KCNC3: variants seen among roughly 807,000 people sequenced by gnomAD.
The protein encoded by KCNC3 is potassium voltage-gated channel subfamily C member 3.
KCNC3 carries 22 observed loss-of-function variants against 43.9 expected under a neutral mutation model. The ratio of observed to expected loss-of-function variants is 0.50; its 90% CI spans 0.36 to 0.72. The LOEUF is 0.72. Among genes scored for constraint, KCNC3 ranks in the 30% least tolerant of loss-of-function variants. The probability of loss-of-function intolerance (pLI) is 0.00; values close to 1 mark genes in which losing one functional copy is unlikely to be tolerated. For synonymous variants in KCNC3, 492 were observed against 488.0 expected (o/e 1.01, Z -0.11); for missense variants, 829 against 1,073.8 (o/e 0.77, Z 3.19).
chr19:50,331,540 TC>T (rs2037189412), upstream of KCNC3, among the ~76,000 whole-genome samples: 1 of 95,686 alleles, frequency 1.0e-5, no homozygotes, highest in South Asian at 5.8e-4. Context: ...CCCTCCTTCT[TC>T]CCCTTCTCCC....
At position 50,312,302 on chromosome 19, in the gene KCNC3, C is replaced by CTGTGTGTGTG. The variant is rs10666239; in HGVS notation, c.*3803_*3812dup. 24 of 148,886 alleles carry CTGTGTGTGTG rather than the reference C, an allele frequency of 1.6e-4. No homozygotes were observed. The highest frequency in any genetic ancestry group is 3.5e-4 in the African/African-American group (14 of 40,550). The allele number at this position is 148,886 out of a possible 1,614,324, so 9.2% of individuals were successfully genotyped here. On this transcript the variant is annotated 3_prime_UTR_variant, in exon 5 of 5. Coordinates refer to ENST00000477616, the MANE Select transcript of KCNC3 (RefSeq NM_004977.3). Reference sequence around the variant, plus strand: ...ATTTGAGTGAGAGAAACTTATTGCTCTGTGTGTGTGTGTGTGTGTGTTGGG... The same window carrying CTGTGTGTGTG: ...ATTTGAGTGAGAGAAACTTATTGCTCTGTGTGTGTGTGTGTGTGTGTGTGTGTGTGTTGGG...
At position 50,312,314 on chromosome 19, in the gene KCNC3, G is replaced by GTC. The variant is rs1173754019; in HGVS notation, c.*3800_*3801insGA. ...GAAACTTATTGCTCTGTGTGTGTGT[G>GTC]TGTGTGTGTTGGGGAGGGTGAGCCG... On this transcript the variant is annotated 3_prime_UTR_variant, in exon 5 of 5. Transcript: ENST00000477616. The GTC allele has an allele frequency of 6.6e-6, 1 of 151,478 alleles. No individual in the cohort carries two copies. The highest frequency in any genetic ancestry group is 2.0e-4 in the East Asian group (1 of 5,120). 9.4% of individuals were successfully genotyped at this position (151,478 alleles called of 1,614,324 possible).
upstream of KCNC3, among the ~76,000 whole-genome samples, chr19:50,330,955 C>A (rs2037181347): frequency 6.6e-6 from 1 of 151,580 alleles, no homozygotes; most frequent in Non-Finnish European, 1.5e-5. Context: ...GCGAAGGGGG[C>A]GGGTCAGGGG....
intron 2 of KCNC3, 41 bp from the exon 3 acceptor site, chr19:50,320,825 G>A (rs1467426582): frequency 1.3e-6 from 2 of 1,594,540 alleles, no homozygotes; most frequent in African/African-American, 1.3e-5. Context: ...AAAGGAGAGA[G>A]TGAGGTGCGG....
rs115543544 is a variant in KCNC3 at position 50,323,801 on chromosome 19, G to A, written c.1152C>T (p.Ile384=). 4.7e-5 allele frequency: 76 copies of A among 1,614,204 alleles called. No individual in the cohort carries two copies. Among genetic ancestry groups the A allele is most frequent in the African/African-American group, 2.3e-4 (17 of 75,056 alleles). ...AGAAGGGCAGGATGGCCACACAGTC[G>A]ATGATGTTGAGGCTGCTTTTAAGAA... is the stretch of plus-strand genomic sequence containing the variant. ...VEFLKSSLNI[I]DCVAILPFYL... Residue 384 remains isoleucine (I), a synonymous_variant, in exon 2 of 5, where the codon ATC becomes ATT. Coordinates refer to ENST00000477616, the MANE Select transcript of KCNC3 (RefSeq NM_004977.3).
At position 50,312,786 on chromosome 19, in the gene KCNC3, G is replaced by T. The variant is rs2278902; in HGVS notation, c.*3329C>A. On this transcript the variant is annotated 3_prime_UTR_variant, in exon 5 of 5. Coordinates refer to ENST00000477616, the MANE Select transcript of KCNC3 (RefSeq NM_004977.3). ...TCGTGAAGGTCAGGGGAAACGGGGG[G>T]GCTTGTTAAAGAAGTTGAACCCTTT... 0.22 allele frequency: 34,108 copies of T among 151,870 alleles called. 4,337 individuals are homozygous for T. Among genetic ancestry groups the T allele is most frequent in the East Asian group, 0.63 (3,207 of 5,098 alleles). 9.4% of individuals were successfully genotyped at this position (151,870 alleles called of 1,614,324 possible).
At chr19:50,332,708 G>A (rs761682923), upstream of KCNC3, among the ~76,000 whole-genome samples, 1 of 152,084 alleles carries the variant, frequency 6.6e-6, no homozygotes, top group Non-Finnish European at 1.5e-5. This position sits in a 1 kb window ranked among gnomAD's most constrained non-coding sequence, Gnocchi z 5.8. Context: ...CACCAGGAGG[G>A]GAGAGGCCAA....
Position 50,323,695 on chromosome 19 carries a change from G to C in KCNC3, c.1258C>G (p.Arg420Gly). The C allele has an allele frequency of 6.2e-7, 1 of 1,614,182 alleles. No homozygotes were observed. Among genetic ancestry groups the C allele is most frequent in the Non-Finnish European group, 8.5e-7 (1 of 1,180,040 alleles). The change falls in exon 2 of 5, where the codon CGC (arginine) becomes GGC (glycine). Residue 420 changes from arginine (R) to glycine (G), a missense_variant. Transcript: ENST00000477616. The stretch of plus-strand genomic sequence containing the variant: ...GTCAGCTTGAAGATGCGCAGGATGC[G>C]GACGAAGCGGACCACCCGCAGGAAG... ...LGFLRVVRFV[R>G]ILRIFKLTRH...
chr19:50,330,375 A>G (rs2037173663), upstream of KCNC3, among the ~76,000 whole-genome samples: 1 of 152,012 alleles, frequency 6.6e-6, no homozygotes, highest in Non-Finnish European at 1.5e-5. Context: ...AGGGTAGGCG[A>G]GGGCAGGGCA....
rs10666239 is a variant in KCNC3 at position 50,312,302 on chromosome 19, C to CTGTGTGTGTGTG, written c.*3801_*3812dup. ...ATTTGAGTGAGAGAAACTTATTGCT[C>CTGTGTGTGTGTG]TGTGTGTGTGTGTGTGTGTGTTGGG... On this transcript the variant is annotated 3_prime_UTR_variant, in exon 5 of 5. Coordinates refer to ENST00000477616, the MANE Select transcript of KCNC3 (RefSeq NM_004977.3). 8 of 148,804 alleles carry CTGTGTGTGTGTG rather than the reference C, an allele frequency of 5.4e-5. No homozygotes were observed. Among genetic ancestry groups the CTGTGTGTGTGTG allele is most frequent in the African/African-American group, 2.0e-4 (8 of 40,452 alleles). The allele number at this position is 148,804 out of a possible 1,614,324, so 9.2% of individuals were successfully genotyped here.
upstream of KCNC3, chr19:50,329,391 G>A (rs950935221): frequency 3.4e-5 from 6 of 176,262 alleles, no homozygotes; most frequent in Non-Finnish European, 6.0e-5. Flanking sequence ...TACTAATTGT[G>A]TTCGGCAGCA....
intron 1 of KCNC3, among the ~76,000 whole-genome samples, chr19:50,326,462 G>T (rs1478498184): frequency 6.6e-6 from 1 of 151,834 alleles, no homozygotes; most frequent in Non-Finnish European, 1.5e-5. Context: ...CAAACTTTAT[G>T]CGGTGGCTCC....
At position 50,320,486 on chromosome 19, in the gene KCNC3, G is replaced by A. The variant is rs530489287; in HGVS notation, c.2170+107C>T. On this transcript the variant is annotated intron_variant, in intron 3 of 4. Coordinates refer to ENST00000477616, the MANE Select transcript of KCNC3 (RefSeq NM_004977.3). Reference sequence around the variant, plus strand: ...GGGAGGCAGTTTGGGGCCAAGGGAAGGGGGAAGGGAAGTCCACCGCCTCCT... The same window carrying A: ...GGGAGGCAGTTTGGGGCCAAGGGAAAGGGGAAGGGAAGTCCACCGCCTCCT... The A allele has an allele frequency of 4.9e-4, 532 of 1,078,018 alleles. 1 individual carries two copies. In the African/African-American group the frequency reaches 7.0e-3, roughly 14 times the overall value. The allele number at this position is 1,078,018 out of a possible 1,614,324, so 66.8% of individuals were successfully genotyped here.
At chr19:50,327,265 G>A (rs866339426) in intron 1 of KCNC3, among the ~76,000 whole-genome samples, 39 of 152,138 alleles carry the variant, frequency 2.6e-4, no homozygotes, top group African/African-American at 8.7e-4. Flanking sequence ...GGCATGGGAT[G>A]CTTCTGGAGG....
Position 50,328,780 on chromosome 19 carries a change from C to A in KCNC3, c.303G>T (p.Thr101=), listed in dbSNP as rs756467392. The part of the protein sequence containing the change: ...VINVGGVRHE[T]YRSTLRTLPG... Reference sequence around the variant, plus strand: ...GCAGGGTGCGCAGCGTCGAGCGGTACGTCTCATGGCGCACGCCGCCCACGT... The same window carrying A: ...GCAGGGTGCGCAGCGTCGAGCGGTAAGTCTCATGGCGCACGCCGCCCACGT... Residue 101 remains threonine (T), a synonymous_variant, in exon 1 of 5, where the codon ACG becomes ACT. Coordinates refer to ENST00000477616, the MANE Select transcript of KCNC3 (RefSeq NM_004977.3). 2 of 1,572,424 alleles carry A rather than the reference C, an allele frequency of 1.3e-6. No individual in the cohort carries two copies. The highest frequency in any genetic ancestry group is 2.3e-5 in the South Asian group (2 of 87,180).
In KCNC3 at chr19:50,312,851, G is replaced by T. The variant is rs2123509667; in HGVS notation, c.*3264C>A. 6.6e-6 allele frequency: 1 copy of T among 151,874 alleles called. No homozygotes were observed. The highest frequency in any genetic ancestry group is 2.4e-5 in the African/African-American group (1 of 41,404). The allele number at this position is 151,874 out of a possible 1,614,324, so 9.4% of individuals were successfully genotyped here. On this transcript the variant is annotated 3_prime_UTR_variant, in exon 5 of 5. Coordinates refer to ENST00000477616, the MANE Select transcript of KCNC3 (RefSeq NM_004977.3). ...TCCCCACCCCGTACCCTGGTGTCTGGAGCCCCTAGCCCTTTGCCCCGCCCC... is the reference window on the plus strand; with the variant it reads ...TCCCCACCCCGTACCCTGGTGTCTGTAGCCCCTAGCCCTTTGCCCCGCCCC...
In KCNC3 at chr19:50,329,099, C is replaced by A. The variant is rs1454281292; in HGVS notation, c.-17G>T. 3 of 66,860 alleles carry A rather than the reference C, an allele frequency of 4.5e-5. No homozygotes were observed. Among genetic ancestry groups the A allele is most frequent in the South Asian group, 5.2e-4 (1 of 1,936 alleles). The allele number at this position is 66,860 out of a possible 1,614,324, so 4.1% of individuals were successfully genotyped here. A position where few individuals can be genotyped will look rare whatever the true frequency, so the allele number is the denominator to read the frequency against. On this transcript the variant is annotated 5_prime_UTR_variant, in exon 1 of 5. Coordinates refer to ENST00000477616, the MANE Select transcript of KCNC3 (RefSeq NM_004977.3). ...GCTCAGCATTGGACGGGGGGCGGGG[C>A]GGGAGGGGCGGGGACGCAGGGGCGG...
In KCNC3 at chr19:50,323,396, G is replaced by C. The variant is rs200349179; in HGVS notation, c.1557C>G (p.Val519=). The C allele has an allele frequency of 1.2e-6, 2 of 1,614,040 alleles. No individual in the cohort carries two copies. The highest frequency in any genetic ancestry group is 2.7e-5 in the African/African-American group (2 of 74,940). ...MYPKTWSGML[V]GALCALAGVL... The stretch of plus-strand genomic sequence containing the variant: ...CCCCCGCCAGGGCACACAGCGCCCC[G>C]ACCAGCATCCCCGACCACGTCTTGG... The change falls in exon 2 of 5, where the codon GTC becomes GTG. Residue 519 remains valine (V), a synonymous_variant. Transcript: ENST00000477616.
At chr19:50,326,495 C>T (rs951835914) in intron 1 of KCNC3, among the ~76,000 whole-genome samples, 1 of 152,176 alleles carries the variant, frequency 6.6e-6, no homozygotes, top group East Asian at 1.9e-4. Context: ...GCTCCCTCCC[C>T]CGGCGCGAAT....
Sources: allele counts gnomAD v4.1 joint callset (sites outside exome capture counted in the v4.1 genomes callset), GRCh38; gene constraint gnomAD v4.1.1; non-coding constraint Gnocchi (gnomAD v3.1); transcripts MANE v1.5; gene names NCBI Gene and HGNC (gene_info 2026-07-23, HGNC 2026-07-21).